The following TJAP1 variants were observed in gnomAD, a reference collection of about 807,000 sequenced individuals.
The protein encoded by TJAP1 is tight junction associated protein 1, also known as tight junction-associated protein 1.
Under a neutral mutation model 42.0 loss-of-function variants are expected in TJAP1, and 27 were observed. The observed-to-expected ratio is 0.64, with a 90% CI of 0.47 to 0.89. The LOEUF (loss-of-function observed/expected upper bound fraction) is 0.89, where lower values mean the gene tolerates loss of function less well. Among genes scored for constraint, TJAP1 ranks in the 40% least tolerant of loss-of-function variants. The pLI is 0.00. For missense variants in TJAP1, 712 were observed against 726.9 expected (o/e 0.98, Z 0.24); for synonymous variants, 257 against 288.4 (o/e 0.89, Z 1.10).
At chr6:43,506,496 T>G (rs978244072) in exon 11 of TJAP1, 8 of 152,762 alleles carry the variant, frequency 5.2e-5, no homozygotes, top group Non-Finnish European at 1.2e-4. Flanking sequence ...ACTCTTAAGC[T>G]TTGAGAAATT....
At chr6:43,504,626 T>C in intron 10 of TJAP1, 135 bp from the exon 11 acceptor site, 1 of 1,121,078 alleles carries the variant, frequency 8.9e-7, no homozygotes, top group South Asian at 1.5e-5. Flanking sequence ...CACACTGGCA[T>C]GCTGTAAGAA....
Position 43,502,352 on chromosome 6 carries a change from A to T in TJAP1, c.357+3A>T. ...TGGAGGACAAGCTGCACACACTGGT[A>T]ATCTGTCTGGGAGGGCAGCTTGGTG... On this transcript the variant is annotated splice_donor_region_variant and intron_variant, in intron 7 of 10. Coordinates refer to ENST00000372449, the Ensembl canonical transcript of TJAP1. 6.2e-7 allele frequency: 1 copy of T among 1,613,478 alleles called. No homozygotes were observed. Among genetic ancestry groups the T allele is most frequent in the Non-Finnish European group, 8.5e-7 (1 of 1,179,926 alleles).
intron 2 of TJAP1, chr6:43,497,365 T>C (rs1789443226): frequency 6.6e-6 from 1 of 152,302 alleles, no homozygotes; most frequent in African/African-American, 2.4e-5. Context: ...CCTAGCCCTA[T>C]GCCTCCTCAT....
rs778921453 is a variant in TJAP1, at chr6:43,505,767, A to G, written c.1586A>G (p.Gln529Arg). Reference sequence around the variant, plus strand: ...CCACTCCCCAGCTCCAGTCGCCCCCAGCGCAGCCCCAAGAGGATGGGGGTT... The same window carrying G: ...CCACTCCCCAGCTCCAGTCGCCCCCGGCGCAGCCCCAAGAGGATGGGGGTT... The change falls in exon 11 of 11, where the codon CAG (glutamine) becomes CGG (arginine). Residue 529 changes from glutamine (Q) to arginine (R), a missense_variant. Gln to Arg is a conservative substitution (Grantham distance 43). Coordinates refer to ENST00000372449, the Ensembl canonical transcript of TJAP1. The surrounding 1 kb of genome is among the most constrained non-coding windows in gnomAD (Gnocchi z 5.5). 8 of 1,516,446 alleles carry G rather than the reference A, an allele frequency of 5.3e-6. No individual in the cohort carries two copies. Among genetic ancestry groups the G allele is most frequent in the Non-Finnish European group, 7.0e-6 (8 of 1,136,930 alleles). The allele number at this position is 1,516,446 out of a possible 1,614,324, so 93.9% of individuals were successfully genotyped here.
At chr6:43,480,287 G>T (rs1218450176) in intron 2 of TJAP1, among the ~76,000 whole-genome samples, 1 of 152,236 alleles carries the variant, frequency 6.6e-6, no homozygotes, top group African/African-American at 2.4e-5. Flanking sequence ...TGATGTTAAA[G>T]AGATGAAGCA....
Position 43,492,919 on chromosome 6 carries a change from G to A in TJAP1, c.-121-4962G>A, listed in dbSNP as rs1188685505. ...GCAGACTTCAGAGACTCCACATCCA[G>A]CACTTACAGCTCAGGACAGTTCCTG... On this transcript the variant is annotated intron_variant, in intron 2 of 10. Transcript: ENST00000372449. The surrounding 1 kb of genome is among the most constrained non-coding windows in gnomAD (Gnocchi z 4.2). 6.6e-6 allele frequency among the ~76,000 whole-genome samples: 1 copy of A among 152,180 alleles called. No individual in the cohort carries two copies. Among genetic ancestry groups the A allele is most frequent in the African/African-American group, 2.4e-5 (1 of 41,446 alleles).
chr6:43,502,588 G>T (rs1260263388), exon 8 of TJAP1: 2 of 1,551,644 alleles, frequency 1.3e-6, no homozygotes, highest in Admixed American at 2.0e-5. Context: ...CTCCTCTCAG[G>T]CCTCTCTTAG....
intron 2 of TJAP1, among the ~76,000 whole-genome samples, chr6:43,494,682 C>CT (rs1309613570): frequency 1.5e-5 from 2 of 133,072 alleles, no homozygotes; most frequent in African/African-American, 6.0e-5. Flanking sequence ...GACGGAGTCT[C>CT]TGTCTCCCAG....
At chr6:43,499,073 A>C in exon 4 of TJAP1, 1 of 1,614,010 alleles carries the variant, frequency 6.2e-7, no homozygotes, top group Non-Finnish European at 8.5e-7. Flanking sequence ...TGCGTTTGGA[A>C]ATTCCTGGAT....
chr6:43,486,335 ACCAGTAGCTTT>A (rs1268665338), intron 2 of TJAP1, among the ~76,000 whole-genome samples: 1 of 144,650 alleles, frequency 6.9e-6, no homozygotes, highest in Non-Finnish European at 1.5e-5. Flanking sequence ...GTGAGTACGT[ACCAGTAGCTTT>A]CCAGTAGCTT....
chr6:43,480,200 G>A (rs944938486), intron 2 of TJAP1, among the ~76,000 whole-genome samples: 1 of 152,212 alleles, frequency 6.6e-6, no homozygotes, highest in Non-Finnish European at 1.5e-5. Flanking sequence ...TCAGATCTCA[G>A]CACTAATTTC....
intron 2 of TJAP1, among the ~76,000 whole-genome samples, chr6:43,478,462 A>G (rs1052090603): frequency 3.9e-5 from 6 of 152,332 alleles, no homozygotes; most frequent in Admixed American, 3.9e-4. Flanking sequence ...GTAAACCTGG[A>G]CAGAGGCCTA....
chr6:43,499,443 A>G (rs1790007921), intron 4 of TJAP1, among the ~76,000 whole-genome samples: 1 of 152,224 alleles, frequency 6.6e-6, no homozygotes, highest in African/African-American at 2.4e-5. Flanking sequence ...AGTGGAGTAG[A>G]GCCATTCAAC....
At position 43,495,867 on chromosome 6, in the gene TJAP1, C is replaced by T. The variant is rs1287146252; in HGVS notation, c.-121-2014C>T. ...GGATGTGTGGCAACTAGAGCCAGGG[C>T]TGCAGGGTGTGGAGTGAAGCAGCCT... On this transcript the variant is annotated intron_variant, in intron 2 of 10. Transcript: ENST00000372449. This position sits in a 1 kb window ranked among gnomAD's most constrained non-coding sequence, Gnocchi z 4.6. 1.3e-5 allele frequency among the ~76,000 whole-genome samples: 2 copies of T among 152,138 alleles called. No individual in the cohort carries two copies. The highest frequency in any genetic ancestry group is 1.9e-4 in the East Asian group (1 of 5,192).
intron 2 of TJAP1, among the ~76,000 whole-genome samples, chr6:43,494,222 C>T (rs1788512249): frequency 6.6e-6 from 1 of 152,172 alleles, no homozygotes. Flanking sequence ...CTCTCTCCAC[C>T]CCAGCAGATA....
intron 2 of TJAP1, among the ~76,000 whole-genome samples, chr6:43,481,822 T>C (rs1429440695): frequency 3.9e-5 from 6 of 152,180 alleles, no homozygotes; most frequent in Non-Finnish European, 5.9e-5. Flanking sequence ...TCCTCCTCCT[T>C]CTGAGTCATG....
intron 2 of TJAP1, among the ~76,000 whole-genome samples, chr6:43,496,064 C>T (rs1398010816): frequency 6.6e-6 from 1 of 152,114 alleles, no homozygotes; most frequent in Non-Finnish European, 1.5e-5. Flanking sequence ...AGAGAAAGGG[C>T]TTCCTGAGAT....
At chr6:43,502,048 A>G (rs199647751) in intron 6 of TJAP1, among the ~76,000 whole-genome samples, 8 of 60,304 alleles carry the variant, frequency 1.3e-4, no homozygotes, top group Non-Finnish European at 2.5e-4. Context: ...GAATGCGGGG[A>G]CACACACACA....
Position 43,502,076 on chromosome 6 carries a change from A to ACACTCTCTCTCTCTCT in TJAP1, c.291-206_291-205insACTCTCTCTCTCTCTC, listed in dbSNP as rs767085594. On this transcript the variant is annotated intron_variant, in intron 6 of 10. Coordinates refer to ENST00000372449, the Ensembl canonical transcript of TJAP1. ...CACACACACACACACACACACACACACTCTCTCTCTCTCTCTCTCTCTCTC... is the reference window on the plus strand; with the variant it reads ...CACACACACACACACACACACACACACACTCTCTCTCTCTCTCTCTCTCTCTCTCTCTCTCTCTCTC... 2.5e-4 allele frequency among the ~76,000 whole-genome samples: 17 copies of ACACTCTCTCTCTCTCT among 68,954 alleles called. 1 individual carries two copies. Among genetic ancestry groups the ACACTCTCTCTCTCTCT allele is most frequent in the South Asian group, 5.1e-4 (1 of 1,952 alleles). The allele number at this position is 68,954 out of a possible 152,430, so 45.2% of individuals were successfully genotyped here.
Sources: allele counts gnomAD v4.1 joint callset (sites outside exome capture counted in the v4.1 genomes callset), GRCh38; gene constraint gnomAD v4.1.1; non-coding constraint Gnocchi (gnomAD v3.1); transcripts MANE v1.5; gene names NCBI Gene and HGNC (gene_info 2026-07-23, HGNC 2026-07-21).